The following AUTS2 variants were observed in gnomAD, a reference collection of about 807,000 sequenced individuals.
AUTS2 encodes the protein autism susceptibility gene 2 protein.
Under a neutral mutation model 112.4 loss-of-function variants are expected in AUTS2, and 17 were observed. The observed-to-expected ratio is 0.15, with a 90% CI of 0.10 to 0.23. The LOEUF is 0.23. AUTS2 is among the 10% of genes least tolerant of loss of function. AUTS2 has a pLI of 1.00. For synonymous variants in AUTS2, 751 were observed against 702.7 expected (o/e 1.07, Z -1.09); for missense variants, 1,510 against 1,701.6 (o/e 0.89, Z 1.98).
intron 1 of AUTS2, among the ~76,000 whole-genome samples, chr7:69,686,897 T>C (rs533166164): frequency 1.3e-5 from 2 of 152,318 alleles, no homozygotes; most frequent in South Asian, 2.1e-4. Flanking sequence ...CACACGTTAA[T>C]ATGAACCATA....
At position 70,282,436 on chromosome 7, in the gene AUTS2, A is replaced by G. The variant is rs189028793; in HGVS notation, c.660+147865A>G. ...GGAATTACAAGATCAAGATGCTGGC[A>G]GGTTCACTGTCTTGTGAGGCCTAGT... is the stretch of plus-strand genomic sequence containing the variant. On this transcript the variant is annotated intron_variant, in intron 4 of 18. Transcript: ENST00000342771. 2.4e-4 allele frequency among the ~76,000 whole-genome samples: 36 copies of G among 152,280 alleles called. No homozygotes were observed. In the East Asian group the frequency reaches 7.0e-3, roughly 29 times the overall value.
At chr7:69,775,674 A>G (rs1278575753) in intron 1 of AUTS2, among the ~76,000 whole-genome samples, 1 of 152,130 alleles carries the variant, frequency 6.6e-6, no homozygotes, top group African/African-American at 2.4e-5. Context: ...AGGCAAGCAG[A>G]TCATTTTCCT....
chr7:70,041,550 C>T (rs1254584230), intron 2 of AUTS2, among the ~76,000 whole-genome samples: 1 of 152,180 alleles, frequency 6.6e-6, no homozygotes, highest in East Asian at 1.9e-4. Flanking sequence ...GATGTTTCAT[C>T]TTAGCTTATC....
intron 1 of AUTS2, among the ~76,000 whole-genome samples, chr7:69,707,063 CT>C (rs1425100254): frequency 2.6e-5 from 4 of 152,148 alleles, no homozygotes; most frequent in African/African-American, 9.7e-5. Flanking sequence ...TAGAGAACAC[CT>C]GAATTACTCC....
In AUTS2 at chr7:70,359,330, C is replaced by A. The variant is rs572297033; in HGVS notation, c.661-76422C>A. ...CAAAGGGTTGCTGTAATTTACTCTC[C>A]CTTCAAATTTGAATATGGTTCATAG... On this transcript the variant is annotated intron_variant, in intron 4 of 18. Transcript: ENST00000342771. Among the ~76,000 whole-genome samples the A allele has an allele frequency of 2.0e-5, 3 of 152,284 alleles. No individual in the cohort carries two copies. In the South Asian group the frequency reaches 6.2e-4, roughly 32 times the overall value.
At chr7:69,875,140 G>A (rs1032263444) in intron 1 of AUTS2, among the ~76,000 whole-genome samples, 2 of 151,496 alleles carry the variant, frequency 1.3e-5, no homozygotes, top group Admixed American at 6.6e-5. Context: ...TCCTGGATGA[G>A]CTTTTTGCTC....
At chr7:70,050,982 G>A (rs540506561) in intron 2 of AUTS2, among the ~76,000 whole-genome samples, 95 of 152,238 alleles carry the variant, frequency 6.2e-4, no homozygotes, top group Non-Finnish European at 7.5e-4. Flanking sequence ...GCGACAGAGC[G>A]AGACTCTGTC....
At position 70,777,992 on chromosome 7, in the gene AUTS2, G is replaced by A. The variant is rs77665825; in HGVS notation, c.2004+818G>A. On this transcript the variant is annotated intron_variant, in intron 14 of 18. Coordinates refer to ENST00000342771, the MANE Select transcript of AUTS2 (RefSeq NM_015570.4). ...CTGAACTGTCATTGGTCCTCCTGAT[G>A]GTCAGTGCCAGGGATTGGAATACAG... 5.6e-3 allele frequency among the ~76,000 whole-genome samples: 856 copies of A among 152,268 alleles called. 9 individuals carry two copies. Among genetic ancestry groups the A allele is most frequent in the East Asian group, 0.049 (255 of 5,172 alleles).
chr7:69,921,770 A>AT, intron 2 of AUTS2, among the ~76,000 whole-genome samples: 1 of 147,588 alleles, frequency 6.8e-6, no homozygotes, highest in East Asian at 2.0e-4. Flanking sequence ...TTTAAAAAAA[A>AT]AAAAAAAAAA....
chr7:70,103,888 C>T lies in AUTS2; in HGVS notation c.523-14244C>T, dbSNP rs1804628107. On this transcript the variant is annotated intron_variant, in intron 2 of 18. Coordinates refer to ENST00000342771, the MANE Select transcript of AUTS2 (RefSeq NM_015570.4). ...TCATGCCATTGCACTCCAGCCTGGGCAACAGAGTGAGACTCCATCTCAAAA... is the reference window on the plus strand; with the variant it reads ...TCATGCCATTGCACTCCAGCCTGGGTAACAGAGTGAGACTCCATCTCAAAA... Among the ~76,000 whole-genome samples, 4 of 146,060 alleles carry T rather than the reference C, an allele frequency of 2.7e-5. No individual in the cohort carries two copies. In the South Asian group the frequency reaches 8.6e-4, roughly 32 times the overall value.
At chr7:70,426,258 A>G (rs952528979) in intron 4 of AUTS2, among the ~76,000 whole-genome samples, 2 of 152,104 alleles carry the variant, frequency 1.3e-5, no homozygotes, top group African/African-American at 4.8e-5. Flanking sequence ...TCTTTTCTAG[A>G]ACATAGACCA....
intron 1 of AUTS2, among the ~76,000 whole-genome samples, chr7:69,780,792 C>T (rs187411018): frequency 9.2e-5 from 14 of 152,314 alleles, no homozygotes; most frequent in African/African-American, 2.9e-4. Flanking sequence ...ATGATTTCCA[C>T]TCTTACTTCA....
At chr7:70,351,780 C>T (rs1791780068) in intron 4 of AUTS2, among the ~76,000 whole-genome samples, 1 of 151,478 alleles carries the variant, frequency 6.6e-6, no homozygotes, top group Non-Finnish European at 1.5e-5. Flanking sequence ...CGGCTTACTG[C>T]AAACTCCGCC....
At chr7:70,709,222 G>A (rs1379254730) in intron 6 of AUTS2, among the ~76,000 whole-genome samples, 2 of 151,930 alleles carry the variant, frequency 1.3e-5, no homozygotes, top group African/African-American at 4.8e-5. Context: ...CGGCCTTGTT[G>A]TTTAAATTCT....
At chr7:70,274,704 C>T (rs12698887) in intron 4 of AUTS2, among the ~76,000 whole-genome samples, 34,482 of 151,956 alleles carry the variant, frequency 0.23, 3,955 homozygotes, top group Middle Eastern at 0.33. Flanking sequence ...GTTTTATAAT[C>T]GGAATGGTAG....
intron 5 of AUTS2, among the ~76,000 whole-genome samples, chr7:70,606,264 A>G (rs1213732790): frequency 3.9e-5 from 6 of 152,330 alleles, no homozygotes; most frequent in African/African-American, 1.2e-4. Context: ...CTTGAAGCCT[A>G]TGAGATTAAC....
At chr7:70,739,978 C>T (rs920202203) in intron 6 of AUTS2, among the ~76,000 whole-genome samples, 13 of 152,146 alleles carry the variant, frequency 8.5e-5, no homozygotes, top group Non-Finnish European at 1.8e-4. Context: ...TCCCCTCATC[C>T]ACTACCAAGG....
At chr7:70,238,540 T>G (rs1367827159) in intron 4 of AUTS2, among the ~76,000 whole-genome samples, 1 of 152,160 alleles carries the variant, frequency 6.6e-6, no homozygotes, top group African/African-American at 2.4e-5. Flanking sequence ...CTCACCAGTC[T>G]CCCTTTCCTG....
chr7:70,363,581 GA>G (rs1414345450), intron 4 of AUTS2, among the ~76,000 whole-genome samples: 1 of 151,254 alleles, frequency 6.6e-6, no homozygotes, highest in Non-Finnish European at 1.5e-5. Flanking sequence ...TTATGCAGAT[GA>G]AATACCCAAA....
Sources: allele counts gnomAD v4.1 joint callset (sites outside exome capture counted in the v4.1 genomes callset), GRCh38; gene constraint gnomAD v4.1.1; transcripts MANE v1.5; gene names NCBI Gene and HGNC (gene_info 2026-07-23, HGNC 2026-07-21).